The following C19orf47 variants were observed in gnomAD, a reference collection of about 807,000 sequenced individuals.
The protein encoded by C19orf47 is chromosome 19 open reading frame 47.
C19orf47 carries 18 observed loss-of-function variants against 32.3 expected under a neutral mutation model. That is an observed-to-expected ratio of 0.56 (90% CI 0.39 to 0.83). The LOEUF (loss-of-function observed/expected upper bound fraction) is 0.83. Among genes scored for constraint, C19orf47 ranks in the 40% least tolerant of loss-of-function variants. The pLI is 0.00. For missense variants in C19orf47, 484 were observed against 531.6 expected (o/e 0.91, Z 0.88); for synonymous variants, 202 against 211.1 (o/e 0.96, Z 0.37).
At chr19:40,326,856 G>A (rs1389819168) in intron 6 of C19orf47, among the ~76,000 whole-genome samples, 1 of 152,178 alleles carries the variant, frequency 6.6e-6, no homozygotes, top group African/African-American at 2.4e-5. Context: ...TTGTCAACAA[G>A]CACTTGAGCT....
chr19:40,318,149 C>A (rs1014531866), downstream of C19orf47, among the ~76,000 whole-genome samples: 4 of 151,998 alleles, frequency 2.6e-5, no homozygotes, highest in Admixed American at 1.3e-4. Flanking sequence ...TTTGGGAGGC[C>A]GGTGAGAGAG....
chr19:40,325,811 C>A (rs142528873), intron 7 of C19orf47, among the ~76,000 whole-genome samples: 33 of 152,192 alleles, frequency 2.2e-4, no homozygotes, highest in African/African-American at 7.2e-4. Context: ...CATGGGCCAC[C>A]GCGCCCAGCC....
chr19:40,327,312 C>A lies in C19orf47; in HGVS notation c.440-826G>T, dbSNP rs568140360. ...TACAGGTGTGAGCCACCCCGCCCAGCCTTTTTTTTTTTTTTTTTAAATGTA... is the reference window on the plus strand; with the variant it reads ...TACAGGTGTGAGCCACCCCGCCCAGACTTTTTTTTTTTTTTTTTAAATGTA... On this transcript the variant is annotated intron_variant, in intron 6 of 8. Transcript: ENST00000683109. Among the ~76,000 whole-genome samples, 13 of 148,606 alleles carry A rather than the reference C, an allele frequency of 8.7e-5. No individual in the cohort carries two copies. The East Asian group carries it at 2.3e-3, about 27-fold the overall frequency.
the C19orf47 span, among the ~76,000 whole-genome samples, chr19:40,304,264 C>G: frequency 3.6e-4 from 55 of 152,298 alleles, no homozygotes; most frequent in African/African-American, 1.3e-3. Context: ...TCCCAAAATA[C>G]ATCCCTTTGA....
At chr19:40,324,200 G>A in intron 7 of C19orf47, 124 bp from the exon 8 acceptor site, 1 of 920,600 alleles carries the variant, frequency 1.1e-6, no homozygotes, top group Non-Finnish European at 1.8e-6. Context: ...AGACTGTGCT[G>A]AGTTGGGTGT....
chr19:40,334,048 C>T, intron 4 of C19orf47, 119 bp from the exon 5 acceptor site: 1 of 658,894 alleles, frequency 1.5e-6, no homozygotes, highest in Non-Finnish European at 2.5e-6. Context: ...ACACATTTCA[C>T]TCCTAACCAT....
chr19:40,333,181 C>A (rs1209538383), intron 5 of C19orf47, among the ~76,000 whole-genome samples: 1 of 151,796 alleles, frequency 6.6e-6, no homozygotes, highest in Non-Finnish European at 1.5e-5. Flanking sequence ...TCGCTTGAAC[C>A]CGGGAGGTGG....
rs1194881437 is a variant in C19orf47, at chr19:40,321,366, GA to G, written c.*515del. ...ACAGTCGGGCCTTGCCACGGGGACA[GA>G]AAACAGAAGAGAAATGAACAAAGTG... On this transcript the variant is annotated 3_prime_UTR_variant, in exon 9 of 9. Transcript: ENST00000683109. The G allele has an allele frequency of 7.1e-6, 7 of 988,486 alleles. No homozygotes were observed. The highest frequency in any genetic ancestry group is 8.4e-6 in the Non-Finnish European group (7 of 831,980). 61.2% of individuals were successfully genotyped at this position (988,486 alleles called of 1,614,324 possible).
At chr19:40,335,640 C>T (rs1174496507) in intron 4 of C19orf47, among the ~76,000 whole-genome samples, 5 of 149,980 alleles carry the variant, frequency 3.3e-5, no homozygotes, top group Admixed American at 1.3e-4. Flanking sequence ...GAGAGAGTCT[C>T]GCTCTGTCGC....
At chr19:40,326,953 G>C (rs1238114790) in intron 6 of C19orf47, among the ~76,000 whole-genome samples, 1 of 151,328 alleles carries the variant, frequency 6.6e-6, no homozygotes, top group East Asian at 1.9e-4. Flanking sequence ...GGTTAAAAGA[G>C]CCAGTTGCTC....
the C19orf47 span, among the ~76,000 whole-genome samples, chr19:40,304,473 C>T: frequency 1.3e-5 from 2 of 152,120 alleles, no homozygotes; most frequent in African/African-American, 4.8e-5. Context: ...GCACCACGCC[C>T]AGATCTATTC....
chr19:40,328,578 G>T lies in C19orf47; in HGVS notation c.302-28C>A, dbSNP rs117383339. On this transcript the variant is annotated intron_variant, in intron 5 of 8. Coordinates refer to ENST00000683109, the MANE Select transcript of C19orf47 (RefSeq NM_001256441.2). ...GTGGGGAGAAAAGGAGAGTCCGGTCGGGTGGGGTCCTGGAAGACAGGCCTC... is the reference window on the plus strand; with the variant it reads ...GTGGGGAGAAAAGGAGAGTCCGGTCTGGTGGGGTCCTGGAAGACAGGCCTC... 2.7e-5 allele frequency: 43 copies of T among 1,584,810 alleles called. 1 individual carries two copies. Among genetic ancestry groups the T allele is most frequent in the Non-Finnish European group, 3.4e-5 (40 of 1,167,356 alleles).
the C19orf47 span, among the ~76,000 whole-genome samples, chr19:40,310,389 G>C: frequency 6.6e-6 from 1 of 152,144 alleles, no homozygotes; most frequent in South Asian, 2.1e-4. Context: ...AGCGATTCTC[G>C]TGCCTCAGCC....
At chr19:40,335,004 G>GGGAGGGAGGGAA (rs2078032127) in intron 4 of C19orf47, 2 of 139,684 alleles carry the variant, frequency 1.4e-5, no homozygotes, top group African/African-American at 2.6e-5. Flanking sequence ...AAGGGAAGGA[G>GGGAGGGAGGGAA]GGAGGGAGGG....
intron 5 of C19orf47, among the ~76,000 whole-genome samples, chr19:40,329,635 C>T (rs758848983): frequency 4.5e-4 from 69 of 152,290 alleles, no homozygotes; most frequent in African/African-American, 1.1e-3. Flanking sequence ...AGGACAGATC[C>T]TTCCCTATCA....
intron 4 of C19orf47, chr19:40,335,046 G>GAGGGAGGGAGGGAGGA (rs780505368): frequency 2.9e-5 from 4 of 136,574 alleles, no homozygotes; most frequent in Non-Finnish European, 4.8e-5. Context: ...AGGAGGGAGG[G>GAGGGAGGGAGGGAGGA]AGGGAGGGAG....
At chr19:40,344,761 T>C (rs1037015686) in intron 1 of C19orf47, among the ~76,000 whole-genome samples, 2 of 152,202 alleles carry the variant, frequency 1.3e-5, no homozygotes, top group African/African-American at 4.8e-5. Flanking sequence ...AAGTTCTTCC[T>C]GATTCTGACG....
Position 40,333,985 on chromosome 19 carries a change from G to A in C19orf47, c.223-56C>T, listed in dbSNP as rs1330034211. On this transcript the variant is annotated intron_variant, in intron 4 of 8. Transcript: ENST00000683109. ...CACAGAAGAATCATGCATCAACCTA[G>A]AGATCTAAGCAACACCACAAGGATC... 10 of 1,375,244 alleles carry A rather than the reference G, an allele frequency of 7.3e-6. No homozygotes were observed. In the African/African-American group the frequency reaches 1.3e-4, roughly 18 times the overall value. 85.2% of individuals were successfully genotyped at this position (1,375,244 alleles called of 1,614,324 possible).
intron 5 of C19orf47, among the ~76,000 whole-genome samples, chr19:40,333,042 G>T (rs961510722): frequency 6.6e-6 from 1 of 152,092 alleles, no homozygotes; most frequent in African/African-American, 2.4e-5. Flanking sequence ...CAGATCACTT[G>T]AAGTCAGGAG....
Sources: allele counts gnomAD v4.1 joint callset (sites outside exome capture counted in the v4.1 genomes callset), GRCh38; gene constraint gnomAD v4.1.1; transcripts MANE v1.5; gene names NCBI Gene and HGNC (gene_info 2026-07-23, HGNC 2026-07-21).